HPCAL1: variants seen among roughly 807,000 people sequenced by gnomAD.
HPCAL1 encodes the protein hippocalcin-like protein 1.
HPCAL1 carries 8 observed loss-of-function variants against 17.1 expected under a neutral mutation model. The ratio of observed to expected loss-of-function variants is 0.47; its 90% CI spans 0.27 to 0.84. The LOEUF is 0.84. Ranked by LOEUF, HPCAL1 falls within the 40% of genes least tolerant of loss-of-function variation. The probability of loss-of-function intolerance (pLI) is 0.13; values close to 1 mark genes in which losing one functional copy is unlikely to be tolerated. For synonymous variants in HPCAL1, 112 were observed against 111.4 expected (o/e 1.01, Z -0.03); for missense variants, 165 against 271.1 (o/e 0.61, Z 2.75).
At chr2:10,305,470 G>A (rs775654663) in intron 1 of HPCAL1, among the ~76,000 whole-genome samples, 63 of 152,304 alleles carry the variant, frequency 4.1e-4, no homozygotes, top group Admixed American at 1.1e-3. Context: ...TCTCCCTTGC[G>A]GTGGGATGTG....
At chr2:10,424,812 G>GC (rs1460504356) in intron 4 of HPCAL1, 9 of 365,690 alleles carry the variant, frequency 2.5e-5, no homozygotes, top group Non-Finnish European at 4.9e-5. Flanking sequence ...CTCCTCCGGG[G>GC]ACTGCTCAGG....
At chr2:10,322,506 G>A (rs1418440348) in intron 1 of HPCAL1, among the ~76,000 whole-genome samples, 2 of 152,244 alleles carry the variant, frequency 1.3e-5, no homozygotes, top group Non-Finnish European at 2.9e-5. Flanking sequence ...TTCACCAGCT[G>A]CCTCCCAACC....
At chr2:10,409,044 T>C (rs1340374423) in intron 2 of HPCAL1, among the ~76,000 whole-genome samples, 1 of 152,260 alleles carries the variant, frequency 6.6e-6, no homozygotes, top group African/African-American at 2.4e-5. Context: ...ATTTCACATG[T>C]AATCAAGAAA....
chr2:10,327,235 AT>A (rs1664072689), intron 1 of HPCAL1, among the ~76,000 whole-genome samples: 1 of 152,152 alleles, frequency 6.6e-6, no homozygotes. Context: ...CCTTGTTTGC[AT>A]TGCTCCAGAT....
rs550404070 is a variant in HPCAL1, at chr2:10,420,676, G to A, written c.378+541G>A. Among the ~76,000 whole-genome samples the A allele has an allele frequency of 3.3e-5, 5 of 152,222 alleles. No individual in the cohort carries two copies. The South Asian group carries it at 6.2e-4, about 19-fold the overall frequency. On this transcript the variant is annotated intron_variant, in intron 3 of 4. Coordinates refer to ENST00000307845, the MANE Select transcript of HPCAL1 (RefSeq NM_002149.4). ...AGGGCCGGGTGGAGCACTTTGATCC[G>A]TTTTCATCTTCATAACCCAACAACG...
At position 10,426,179 on chromosome 2, in the gene HPCAL1, A is replaced by AG. The variant is rs1032362914; in HGVS notation, c.485-540dup. 141 of 152,940 alleles carry AG rather than the reference A, an allele frequency of 9.2e-4. 1 individual carries two copies. The highest frequency in any genetic ancestry group is 3.3e-3 in the African/African-American group (138 of 41,442). 9.5% of individuals were successfully genotyped at this position (152,940 alleles called of 1,614,324 possible). ...TCACCAGCATTGGATGCGGAGGATG[A>AG]GGGGGCAGCTGATTCCTTAGCACGA... On this transcript the variant is annotated intron_variant, in intron 4 of 4. Transcript: ENST00000307845.
In HPCAL1 at chr2:10,315,800, A is replaced by G. The variant is rs536711234; in HGVS notation, c.-111+12623A>G. 5.3e-5 allele frequency among the ~76,000 whole-genome samples: 8 copies of G among 152,304 alleles called. No individual in the cohort carries two copies. In the South Asian group the frequency reaches 1.5e-3, roughly 28 times the overall value. ...GGCAGGCGGATCACTTGAGGTCAGG[A>G]GGTCGAGACCAGCCTGGCCAACATG... On this transcript the variant is annotated intron_variant, in intron 1 of 4. Transcript: ENST00000307845.
intron 1 of HPCAL1, among the ~76,000 whole-genome samples, chr2:10,353,396 C>T (rs1333032821): frequency 1.3e-5 from 2 of 152,224 alleles, no homozygotes; most frequent in East Asian, 1.9e-4. Context: ...TGCCATCCTT[C>T]TCTTTCTGCC....
rs375409630 is a variant in HPCAL1 at position 10,421,787 on chromosome 2, A to G, written c.379-1196A>G. ...TAGGGAACTTCAGGGGTGGGCCTCCAGTAGCGGGTATCAAATCCGTGAACT... is the reference window on the plus strand; with the variant it reads ...TAGGGAACTTCAGGGGTGGGCCTCCGGTAGCGGGTATCAAATCCGTGAACT... On this transcript the variant is annotated intron_variant, in intron 3 of 4. Transcript: ENST00000307845. Among the ~76,000 whole-genome samples the G allele has an allele frequency of 2.7e-4, 41 of 152,330 alleles. 1 individual carries two copies. Among genetic ancestry groups the G allele is most frequent in the African/African-American group, 9.6e-4 (40 of 41,566 alleles).
intron 1 of HPCAL1, among the ~76,000 whole-genome samples, chr2:10,337,394 T>C (rs1021871281): frequency 6.6e-6 from 1 of 152,230 alleles, no homozygotes; most frequent in Non-Finnish European, 1.5e-5. Context: ...GCATTTGCTG[T>C]GAATTATAGG....
At chr2:10,382,141 G>A (rs770273530) in intron 1 of HPCAL1, among the ~76,000 whole-genome samples, 7 of 152,162 alleles carry the variant, frequency 4.6e-5, no homozygotes, top group Non-Finnish European at 8.8e-5. Context: ...AAAGACATGG[G>A]GGAACTCATC....
chr2:10,422,918 C>T (rs1671153402), intron 3 of HPCAL1, 65 bp from the exon 4 acceptor site: 6 of 1,199,504 alleles, frequency 5.0e-6, no homozygotes, highest in Non-Finnish European at 7.3e-6. Flanking sequence ...GGCGGAAGCC[C>T]ACCCTTGCTG....
At chr2:10,355,399 C>T (rs1244606458) in intron 1 of HPCAL1, among the ~76,000 whole-genome samples, 12 of 127,476 alleles carry the variant, frequency 9.4e-5, no homozygotes, top group Admixed American at 7.5e-4. Context: ...TGCAGTGAGC[C>T]GAGATCCCGC....
chr2:10,408,970 A>G (rs1670153454), intron 2 of HPCAL1, among the ~76,000 whole-genome samples: 1 of 152,246 alleles, frequency 6.6e-6, no homozygotes. Context: ...ATTGAAAAGT[A>G]AAAAAGATGA....
At chr2:10,369,900 T>G (rs1667103699) in intron 1 of HPCAL1, among the ~76,000 whole-genome samples, 1 of 152,240 alleles carries the variant, frequency 6.6e-6, no homozygotes, top group African/African-American at 2.4e-5. Context: ...CCTTGAGACC[T>G]CCTTACTCCT....
In HPCAL1 at chr2:10,355,839, G is replaced by T. The variant is rs925009972; in HGVS notation, c.-110-40996G>T. ...TTTCTTTTGGGTCTGAGTAGGGGAC[G>T]CACAGGGCATGGCTATGAGGGTCTC... On this transcript the variant is annotated intron_variant, in intron 1 of 4. Coordinates refer to ENST00000307845, the MANE Select transcript of HPCAL1 (RefSeq NM_002149.4). 1.3e-5 allele frequency among the ~76,000 whole-genome samples: 2 copies of T among 151,986 alleles called. 1 individual carries two copies. Among genetic ancestry groups the T allele is most frequent in the Non-Finnish European group, 2.9e-5 (2 of 68,004 alleles).
intron 2 of HPCAL1, among the ~76,000 whole-genome samples, chr2:10,416,986 T>C (rs1426932174): frequency 6.6e-6 from 1 of 152,172 alleles, no homozygotes; most frequent in Non-Finnish European, 1.5e-5. Flanking sequence ...AAACTGCAGT[T>C]GGAGAGGCTG....
chr2:10,401,593 C>T (rs942628331), intron 2 of HPCAL1, among the ~76,000 whole-genome samples: 3 of 152,058 alleles, frequency 2.0e-5, no homozygotes, highest in Non-Finnish European at 4.4e-5. Flanking sequence ...CTGTAAGGAG[C>T]GCCTAGATCA....
chr2:10,393,592 T>A (rs547711812), intron 1 of HPCAL1, among the ~76,000 whole-genome samples: 1 of 152,216 alleles, frequency 6.6e-6, no homozygotes, highest in Non-Finnish European at 1.5e-5. Flanking sequence ...AGAGGAAAGA[T>A]GCCTCTGTGG....
Sources: allele counts gnomAD v4.1 joint callset (sites outside exome capture counted in the v4.1 genomes callset), GRCh38; gene constraint gnomAD v4.1.1; transcripts MANE v1.5; gene names NCBI Gene and HGNC (gene_info 2026-07-23, HGNC 2026-07-21).